Variants in POR observed in about 807,000 individuals in gnomAD.
The protein encoded by POR is NADPH--cytochrome P450 reductase.
Under a neutral mutation model 84.0 loss-of-function variants are expected in POR, and 56 were observed. The ratio of observed to expected loss-of-function variants is 0.67; its 90% CI spans 0.54 to 0.83. The LOEUF is 0.83. Among genes scored for constraint, POR ranks in the 40% least tolerant of loss-of-function variants. POR has a pLI of 0.00. For synonymous variants in POR, 414 were observed against 400.5 expected (o/e 1.03, Z -0.40); for missense variants, 938 against 944.3 (o/e 0.99, Z 0.09).
intron 1 of POR, among the ~76,000 whole-genome samples, chr7:75,939,794 G>C (rs1343643033): frequency 2.0e-5 from 3 of 152,032 alleles, no homozygotes; most frequent in South Asian, 2.1e-4. Flanking sequence ...TTTTAGTAGA[G>C]ACTGGGTTTC....
intron 1 of POR, among the ~76,000 whole-genome samples, chr7:75,938,887 A>C (rs914574673): frequency 1.3e-5 from 2 of 152,118 alleles, no homozygotes; most frequent in Non-Finnish European, 2.9e-5. Flanking sequence ...CGCTTCCTCT[A>C]TCGGTAGCTT....
chr7:75,982,566 A>G (rs1554558274), intron 8 of POR, among the ~76,000 whole-genome samples: 1 of 152,030 alleles, frequency 6.6e-6, no homozygotes, highest in Non-Finnish European at 1.5e-5. Flanking sequence ...GGCACATCCC[A>G]CTTCTCGACT....
chr7:75,962,001 G>A (rs567242398), intron 2 of POR, among the ~76,000 whole-genome samples: 3 of 151,074 alleles, frequency 2.0e-5, no homozygotes, highest in African/African-American at 7.3e-5. Flanking sequence ...GTGACAGAAC[G>A]AGACCCTGTC....
intron 6 of POR, 61 bp from the exon 7 acceptor site, chr7:75,981,456 C>A: frequency 2.0e-6 from 3 of 1,491,176 alleles, no homozygotes; most frequent in Non-Finnish European, 1.8e-6. Flanking sequence ...TGCCTGGCAC[C>A]AGGTACCGTT....
At chr7:75,930,888 T>C (rs1449742215) in intron 1 of POR, among the ~76,000 whole-genome samples, 1 of 151,900 alleles carries the variant, frequency 6.6e-6, no homozygotes, top group African/African-American at 2.4e-5. Flanking sequence ...AGTGTTGGGA[T>C]CATATCTCAC....
intron 1 of POR, among the ~76,000 whole-genome samples, chr7:75,925,005 C>G (rs554651657): frequency 7.4e-4 from 113 of 152,134 alleles, no homozygotes; most frequent in Middle Eastern, 3.4e-3. Context: ...CATGCTTTCC[C>G]CAACCAAACC....
intron 3 of POR, among the ~76,000 whole-genome samples, chr7:75,976,822 A>G (rs1413868896): frequency 1.3e-5 from 2 of 152,084 alleles, no homozygotes; most frequent in African/African-American, 4.8e-5. Flanking sequence ...AAGTATAAGA[A>G]CATTTATTGT....
chr7:75,958,775 T>C (rs1051361752), intron 2 of POR, among the ~76,000 whole-genome samples: 1 of 151,348 alleles, frequency 6.6e-6, no homozygotes, highest in Admixed American at 6.6e-5. Flanking sequence ...AGCCAGGAGT[T>C]CAAGACCAGC....
intron 1 of POR, chr7:75,947,147 C>T (rs764858821): frequency 6.6e-6 from 1 of 152,162 alleles, no homozygotes; most frequent in Non-Finnish European, 1.5e-5. Flanking sequence ...ATACGTGGAA[C>T]TGTTAGGCAT....
rs146386304 is a variant in POR at position 75,982,617 on chromosome 7, C to A, written c.830+295C>A. On this transcript the variant is annotated intron_variant, in intron 8 of 15. Coordinates refer to ENST00000461988, the MANE Select transcript of POR (RefSeq NM_000941.3). ...CCTCTGTGGCTAGGATCCTCTTTGG[C>A]AGAAGGGCTCATTTTCTTAGAATCT... Among the ~76,000 whole-genome samples the A allele has an allele frequency of 1.3e-3, 196 of 152,282 alleles. 7 individuals are homozygous for A. In the South Asian group the frequency reaches 0.036, roughly 28 times the overall value.
At chr7:75,983,028 T>C (rs1344416465) in intron 8 of POR, among the ~76,000 whole-genome samples, 3 of 152,124 alleles carry the variant, frequency 2.0e-5, no homozygotes, top group South Asian at 2.1e-4. Context: ...GCTCTGCCCA[T>C]GTGGTGGGAC....
chr7:75,920,469 G>A (rs188016905), intron 1 of POR, among the ~76,000 whole-genome samples: 1 of 152,294 alleles, frequency 6.6e-6, no homozygotes, highest in East Asian at 1.9e-4. Flanking sequence ...GGAAGATGGG[G>A]CATTGTGGGG....
intron 3 of POR, among the ~76,000 whole-genome samples, chr7:75,977,589 A>G (rs1291552962): frequency 1.3e-5 from 2 of 152,198 alleles, no homozygotes; most frequent in African/African-American, 4.8e-5. Flanking sequence ...CAGCCTGGCC[A>G]ACGTGTTGAA....
At chr7:75,916,121 T>TA (rs1806555658) in intron 1 of POR, among the ~76,000 whole-genome samples, 1 of 152,058 alleles carries the variant, frequency 6.6e-6, no homozygotes, top group South Asian at 2.1e-4. Context: ...GCAAGCAAGA[T>TA]ACCTCCTGGA....
chr7:75,965,039 A>G (rs1034588093), intron 2 of POR, among the ~76,000 whole-genome samples: 1 of 56,858 alleles, frequency 1.8e-5, no homozygotes, highest in African/African-American at 1.2e-4. Context: ...AAATCAATTT[A>G]AAAAAATGAC....
At chr7:75,928,543 C>A (rs1308637003) in intron 1 of POR, among the ~76,000 whole-genome samples, 1 of 152,098 alleles carries the variant, frequency 6.6e-6, no homozygotes. Context: ...TTCTTCCCAT[C>A]AGGACGGCCC....
At position 75,979,715 on chromosome 7, in the gene POR, C is replaced by T. The variant is rs41299478; in HGVS notation, c.366+136C>T. On this transcript the variant is annotated intron_variant, in intron 4 of 15. Transcript: ENST00000461988. The stretch of plus-strand genomic sequence containing the variant: ...AAGACGTCCTCGGAAGTTGCCTTCC[C>T]GTGAGGGTCATTGCCATCCCTGCCC... The T allele has an allele frequency of 7.0e-3, 8,820 of 1,253,450 alleles. 41 individuals are homozygous for T. The highest frequency in any genetic ancestry group is 8.9e-3 in the Non-Finnish European group (8,130 of 908,486). The allele number at this position is 1,253,450 out of a possible 1,614,324, so 77.6% of individuals were successfully genotyped here.
intron 1 of POR, among the ~76,000 whole-genome samples, chr7:75,951,708 G>C (rs1437260551): frequency 2.0e-5 from 3 of 152,248 alleles, no homozygotes; most frequent in Non-Finnish European, 2.9e-5. Flanking sequence ...TGGTTGTGGT[G>C]AAAAACCCAG....
At chr7:75,955,192 A>G (rs1185536594) in intron 2 of POR, among the ~76,000 whole-genome samples, 3 of 152,212 alleles carry the variant, frequency 2.0e-5, no homozygotes, top group Non-Finnish European at 4.4e-5. Context: ...CTGGAAGGCT[A>G]TGTGCTAATG....
Sources: gnomAD v4.1 joint callset for allele counts (sites outside exome capture counted in the v4.1 genomes callset) on GRCh38, gnomAD v4.1.1 for gene constraint, MANE v1.5 for transcripts, NCBI Gene and HGNC (gene_info 2026-07-23, HGNC 2026-07-21) for gene names.